The following TDRD10 variants were observed in gnomAD, a reference collection of about 807,000 sequenced individuals.
TDRD10 encodes the protein tudor domain-containing protein 10.
TDRD10 carries 40 observed loss-of-function variants against 48.0 expected under a neutral mutation model. The observed-to-expected ratio is 0.83, with a 90% CI of 0.65 to 1.09. The LOEUF (loss-of-function observed/expected upper bound fraction) is 1.09. TDRD10 is among the 50% of genes least tolerant of loss of function. The pLI, the probability that TDRD10 is intolerant of heterozygous loss-of-function variation, is 0.00. For synonymous variants in TDRD10, 162 were observed against 170.4 expected (o/e 0.95, Z 0.38); for missense variants, 378 against 434.7 (o/e 0.87, Z 1.16).
chr1:154,533,834 C>T (rs1434191431), intron 6 of TDRD10, among the ~76,000 whole-genome samples: 1 of 151,298 alleles, frequency 6.6e-6, no homozygotes, highest in Non-Finnish European at 1.5e-5. Flanking sequence ...GCTTTAGCCT[C>T]CCAAAGTGCT....
intron 6 of TDRD10, among the ~76,000 whole-genome samples, chr1:154,536,129 G>A (rs954450593): frequency 6.6e-6 from 1 of 152,238 alleles, no homozygotes; most frequent in East Asian, 1.9e-4. Context: ...TGTAATCCCA[G>A]CACTTTGGGA....
intron 6 of TDRD10, among the ~76,000 whole-genome samples, chr1:154,526,417 A>AT (rs58821375): frequency 0.014 from 1,824 of 133,116 alleles, 62 homozygotes; most frequent in African/African-American, 0.046. Flanking sequence ...ACTTTCACAG[A>AT]TTTTTTTTTT....
intron 4 of TDRD10, among the ~76,000 whole-genome samples, chr1:154,517,895 G>A (rs1488438145): frequency 6.6e-6 from 1 of 152,194 alleles, no homozygotes; most frequent in Admixed American, 6.5e-5. Context: ...AGGGCCACAC[G>A]GTCCTCACCG....
At chr1:154,537,534 T>C (rs1200736033) in intron 6 of TDRD10, among the ~76,000 whole-genome samples, 1 of 152,034 alleles carries the variant, frequency 6.6e-6, no homozygotes. Flanking sequence ...GTTCCCCAGG[T>C]TGGTGGAGGT....
At position 154,542,085 on chromosome 1, in the gene TDRD10, A is replaced by G. The variant is rs1190155211; in HGVS notation, c.412+19A>G. ...ACCGCCGGTGAGATTCTGCGCTGCC[A>G]TCCTTTCCCAGGATGTGGCTTTGCA... is the stretch of plus-strand genomic sequence containing the variant. On this transcript the variant is annotated intron_variant, in intron 7 of 12. Transcript: ENST00000368482. The G allele has an allele frequency of 4.3e-6, 7 of 1,613,562 alleles. No individual in the cohort carries two copies. In the East Asian group the frequency reaches 1.1e-4, roughly 26 times the overall value.
At chr1:154,506,624 C>T (rs1693168623) in intron 1 of TDRD10, among the ~76,000 whole-genome samples, 1 of 152,218 alleles carries the variant, frequency 6.6e-6, no homozygotes, top group African/African-American at 2.4e-5. Flanking sequence ...GATCCACCCG[C>T]CTCGGCCTCC....
At chr1:154,533,314 C>A (rs1694745898) in intron 6 of TDRD10, among the ~76,000 whole-genome samples, 1 of 149,424 alleles carries the variant, frequency 6.7e-6, no homozygotes, top group African/African-American at 2.5e-5. Context: ...TAGCCTGTCT[C>A]TTCTGGTGCT....
intron 1 of TDRD10, among the ~76,000 whole-genome samples, chr1:154,506,250 T>G (rs1212457160): frequency 6.6e-6 from 1 of 152,218 alleles, no homozygotes; most frequent in African/African-American, 2.4e-5. Flanking sequence ...TCCCTGCCTT[T>G]TCCAGCTTCT....
chr1:154,523,171 G>T (rs1694146090), intron 6 of TDRD10, among the ~76,000 whole-genome samples: 1 of 152,166 alleles, frequency 6.6e-6, no homozygotes. Context: ...CTCCCAAAGT[G>T]CTGGGATTAC....
At position 154,542,835 on chromosome 1, in the gene TDRD10, A is replaced by G. The variant is rs1695319327; in HGVS notation, c.503+14A>G. 5.6e-6 allele frequency: 9 copies of G among 1,608,330 alleles called. No homozygotes were observed. In the South Asian group the frequency reaches 8.8e-5, roughly 16 times the overall value. ...GTTGGAAATGAGGTGAGCAAGGTAT[A>G]GAAAGACCACCAGGGCAAATGGCGA... On this transcript the variant is annotated intron_variant, in intron 8 of 12. Transcript: ENST00000368482.
chr1:154,510,883 A>C (rs1029394418), intron 4 of TDRD10, among the ~76,000 whole-genome samples: 1 of 151,250 alleles, frequency 6.6e-6, no homozygotes, highest in Non-Finnish European at 1.5e-5. Flanking sequence ...TGTCTCTACT[A>C]AAAATACAAA....
At chr1:154,521,176 A>G in intron 5 of TDRD10, 147 bp from the exon 6 acceptor site, 1 of 769,702 alleles carries the variant, frequency 1.3e-6, no homozygotes, top group Non-Finnish European at 2.2e-6. Context: ...GTCTGGACAT[A>G]CTTGTAGCTT....
At chr1:154,522,138 T>G (rs1426504138) in intron 6 of TDRD10, among the ~76,000 whole-genome samples, 1 of 152,160 alleles carries the variant, frequency 6.6e-6, no homozygotes, top group Non-Finnish European at 1.5e-5. Flanking sequence ...TAGCGATTTG[T>G]TTTTCTTTCC....
At chr1:154,511,596 T>C (rs570053504) in intron 4 of TDRD10, among the ~76,000 whole-genome samples, 1 of 152,182 alleles carries the variant, frequency 6.6e-6, no homozygotes, top group East Asian at 1.9e-4. Context: ...ACACCTGTAA[T>C]CCCAGCACTT....
chr1:154,541,694 C>T (rs1414081887), intron 6 of TDRD10, among the ~76,000 whole-genome samples: 1 of 152,152 alleles, frequency 6.6e-6, no homozygotes, highest in Non-Finnish European at 1.5e-5. Context: ...CAGCAGGGCA[C>T]CAGGATAAGC....
At chr1:154,507,124 CT>C in intron 2 of TDRD10, 116 bp from the exon 3 acceptor site, 1 of 1,544,460 alleles carries the variant, frequency 6.5e-7, no homozygotes, top group South Asian at 1.2e-5. Context: ...GAAGGGAAGC[CT>C]TTGGTCAGGA....
intron 7 of TDRD10, among the ~76,000 whole-genome samples, chr1:154,542,506 G>A (rs1557836172): frequency 6.6e-6 from 1 of 152,174 alleles, no homozygotes; most frequent in Admixed American, 6.6e-5. Flanking sequence ...GGGATTACAG[G>A]TGCAAGCCAC....
intron 6 of TDRD10, among the ~76,000 whole-genome samples, chr1:154,529,234 C>G (rs1194340098): frequency 6.6e-6 from 1 of 152,096 alleles, no homozygotes; most frequent in Non-Finnish European, 1.5e-5. Context: ...CATGTGCCAC[C>G]ACACCCAGCT....
intron 6 of TDRD10, 102 bp from the exon 7 acceptor site, chr1:154,541,922 T>A: frequency 1.7e-6 from 2 of 1,170,124 alleles, no homozygotes; most frequent in South Asian, 2.9e-5. Flanking sequence ...GAACAGGGGC[T>A]GCCGATGCTC....
Sources: gnomAD v4.1 joint callset for allele counts (sites outside exome capture counted in the v4.1 genomes callset) on GRCh38, gnomAD v4.1.1 for gene constraint, MANE v1.5 for transcripts, NCBI Gene and HGNC (gene_info 2026-07-23, HGNC 2026-07-21) for gene names.